BBOF1: variants seen among roughly 807,000 people sequenced by gnomAD.
BBOF1 encodes basal body orientation factor 1.
Under a neutral mutation model 68.0 loss-of-function variants are expected in BBOF1, and 62 were observed. The ratio of observed to expected loss-of-function variants is 0.91; its 90% CI spans 0.74 to 1.13. BBOF1 has a LOEUF of 1.13. Ranked by LOEUF, BBOF1 falls within the 50% of genes most tolerant of loss-of-function variation. The pLI, the probability that BBOF1 is intolerant of heterozygous loss-of-function variation, is 0.00. For missense variants in BBOF1, 534 were observed against 600.1 expected (o/e 0.89, Z 1.15); for synonymous variants, 208 against 198.8 (o/e 1.05, Z -0.39).
intron 5 of BBOF1, among the ~76,000 whole-genome samples, chr14:74,045,230 G>A (rs2059923536): frequency 6.6e-6 from 1 of 152,108 alleles, no homozygotes; most frequent in Non-Finnish European, 1.5e-5. Flanking sequence ...ATGAGATCAG[G>A]GACCTTGTCT....
chr14:74,081,517 T>C (rs768569176), intron 12 of BBOF1, among the ~76,000 whole-genome samples: 5 of 152,200 alleles, frequency 3.3e-5, no homozygotes, highest in Non-Finnish European at 5.9e-5. Flanking sequence ...ACAGGTTCGA[T>C]CTTCTATCTT....
chr14:74,023,273 A>G, intron 2 of BBOF1, 129 bp downstream of exon 2: 2 of 544,068 alleles, frequency 3.7e-6, no homozygotes, highest in Non-Finnish European at 6.5e-6. Context: ...AATTGACCTT[A>G]ACTCTGTTTG....
At position 74,047,966 on chromosome 14, in the gene BBOF1, G is replaced by C; in HGVS notation, c.684G>C (p.Glu228Asp). The C allele has an allele frequency of 1.2e-6, 2 of 1,611,044 alleles. No individual in the cohort carries two copies. The highest frequency in any genetic ancestry group is 4.5e-5 in the East Asian group (2 of 44,818). The change falls in exon 7 of 12, where the codon GAG becomes GAC. Residue 228 changes from glutamate (E) to aspartate (D), a missense_variant. Transcript: ENST00000394009. ...LNDAGRNVFK[E>D]NDYLQKALAY... is the part of the protein sequence containing the mutation. ...ATGCTGGAAGAAATGTTTTTAAAGA[G>C]AATGATTATCTTCAGAAAGCTCTGG...
chr14:74,057,294 G>A (rs373517239), intron 11 of BBOF1, 36 bp downstream of exon 11: 17 of 1,613,618 alleles, frequency 1.1e-5, no homozygotes, highest in Non-Finnish European at 1.4e-5. Context: ...AATGTATATT[G>A]TTGTCACCCT....
intron 8 of BBOF1, among the ~76,000 whole-genome samples, chr14:74,054,154 G>T (rs2139659010): frequency 6.6e-6 from 1 of 152,060 alleles, no homozygotes; most frequent in Admixed American, 6.6e-5. Context: ...AGTATTACAG[G>T]TGTGAACCAC....
chr14:74,019,983 A>G (rs1186872419), intron 1 of BBOF1, among the ~76,000 whole-genome samples: 1 of 152,222 alleles, frequency 6.6e-6, no homozygotes, highest in Non-Finnish European at 1.5e-5. Flanking sequence ...CAACAACACC[A>G]TATATGGGAA....
At chr14:74,070,960 C>G, downstream of BBOF1, 3 of 554,672 alleles carry the variant, frequency 5.4e-6, no homozygotes, top group East Asian at 9.5e-5. Context: ...GTGTCTAGCC[C>G]TAATCCATAT....
intron 9 of BBOF1, chr14:74,071,212 A>T: frequency 6.2e-7 from 1 of 1,614,188 alleles, no homozygotes. Flanking sequence ...CTGTCCATGG[A>T]TGATGTTTAA....
At chr14:74,034,877 G>C (rs1389492596) in intron 4 of BBOF1, among the ~76,000 whole-genome samples, 1 of 152,070 alleles carries the variant, frequency 6.6e-6, no homozygotes. Flanking sequence ...ATCTCTTGAG[G>C]CCAGGAGTTC....
intron 8 of BBOF1, among the ~76,000 whole-genome samples, chr14:74,053,390 T>C (rs62005110): frequency 0.24 from 36,575 of 151,648 alleles, 4,982 homozygotes; most frequent in South Asian, 0.46. Flanking sequence ...GGATTACAGG[T>C]GTGAGCCACT....
chr14:74,035,182 G>A (rs1025691472), intron 4 of BBOF1, among the ~76,000 whole-genome samples: 13 of 151,988 alleles, frequency 8.6e-5, no homozygotes, highest in African/African-American at 2.4e-4. Context: ...AAAATAGCAC[G>A]TCACATGGTA....
chr14:74,040,432 T>G (rs2059805514), intron 4 of BBOF1, 133 bp from the exon 5 acceptor site: 2 of 601,920 alleles, frequency 3.3e-6, no homozygotes, highest in African/African-American at 1.9e-5. Context: ...GAACACAGAT[T>G]TTTTCTGTGT....
intron 2 of BBOF1, among the ~76,000 whole-genome samples, chr14:74,028,923 G>A (rs183147779): frequency 6.9e-6 from 1 of 145,730 alleles, no homozygotes; most frequent in African/African-American, 2.5e-5. Context: ...GGTCAGGCTG[G>A]TATTAATGTT....
intron 2 of BBOF1, 38 bp from the exon 3 acceptor site, chr14:74,029,146 T>C: frequency 7.4e-7 from 1 of 1,357,414 alleles, no homozygotes; most frequent in Non-Finnish European, 1.0e-6. Flanking sequence ...TAGAGCAGTT[T>C]CTTTATCTTC....
intron 2 of BBOF1, among the ~76,000 whole-genome samples, chr14:74,024,719 G>A (rs936262015): frequency 2.0e-5 from 3 of 152,148 alleles, no homozygotes; most frequent in South Asian, 4.2e-4. Context: ...ACCCGCGTTG[G>A]CCTCCCAAAG....
intron 3 of BBOF1, among the ~76,000 whole-genome samples, chr14:74,030,870 G>A (rs1164871789): frequency 6.7e-6 from 1 of 149,878 alleles, no homozygotes. Context: ...AAAAAAAAAG[G>A]TTGCTTAAAA....
downstream of BBOF1, among the ~76,000 whole-genome samples, chr14:74,068,386 A>AG (rs1364626836): frequency 1.6e-5 from 2 of 127,716 alleles, no homozygotes; most frequent in Admixed American, 1.5e-4. Context: ...CTCAAAAAAA[A>AG]AGAAAAAAAG....
At chr14:74,072,570 G>A in intron 9 of BBOF1, 1 of 1,613,968 alleles carries the variant, frequency 6.2e-7, no homozygotes, top group Non-Finnish European at 8.5e-7. Context: ...TGTCACTTTT[G>A]GATTCAACGA....
downstream of BBOF1, chr14:74,067,480 A>T (rs766085131): frequency 6.1e-5 from 98 of 1,614,096 alleles, no homozygotes; most frequent in Non-Finnish European, 8.1e-5. Flanking sequence ...TGCAGCGCTG[A>T]CCAGCAGCTC....
Sources: allele counts gnomAD v4.1 joint callset (sites outside exome capture counted in the v4.1 genomes callset), GRCh38; gene constraint gnomAD v4.1.1; transcripts MANE v1.5; gene names NCBI Gene and HGNC (gene_info 2026-07-23, HGNC 2026-07-21).